Variants in GRID2 observed in about 807,000 individuals in gnomAD.
GRID2 encodes the protein glutamate ionotropic receptor delta type subunit 2, also known as glutamate receptor ionotropic, delta-2.
Under a neutral mutation model 114.8 loss-of-function variants are expected in GRID2, and 33 were observed. The observed-to-expected ratio is 0.29, with a 90% CI of 0.22 to 0.38. The LOEUF is 0.38. GRID2 is among the 10% of genes least tolerant of loss of function. The pLI is 1.00. For missense variants in GRID2, 1,184 were observed against 1,257.7 expected (o/e 0.94, Z 0.89); for synonymous variants, 505 against 449.9 (o/e 1.12, Z -1.55).
At chr4:92,737,243 G>A (rs192862085) in intron 2 of GRID2, among the ~76,000 whole-genome samples, 13 of 152,102 alleles carry the variant, frequency 8.5e-5, no homozygotes, top group Non-Finnish European at 1.9e-4. Flanking sequence ...AATGTCTTAG[G>A]TAAAAGCTAC....
chr4:92,830,969 G>T (rs1330079273), intron 2 of GRID2, among the ~76,000 whole-genome samples: 1 of 152,134 alleles, frequency 6.6e-6, no homozygotes. Flanking sequence ...GAATGGTTAA[G>T]CTGTCATTAT....
At chr4:93,307,800 G>A (rs574985587) in intron 8 of GRID2, among the ~76,000 whole-genome samples, 1 of 152,008 alleles carries the variant, frequency 6.6e-6, no homozygotes, top group South Asian at 2.1e-4. Flanking sequence ...TCCCTAAAGT[G>A]TACACAATAA....
chr4:92,751,365 G>A (rs894092707), intron 2 of GRID2, among the ~76,000 whole-genome samples: 6 of 151,858 alleles, frequency 4.0e-5, no homozygotes, highest in Non-Finnish European at 5.9e-5. Context: ...CAGCTATAAG[G>A]CAATAATCAA....
At chr4:93,682,449 A>G (rs1008923991) in intron 14 of GRID2, among the ~76,000 whole-genome samples, 1 of 151,940 alleles carries the variant, frequency 6.6e-6, no homozygotes, top group African/African-American at 2.4e-5. Flanking sequence ...CCAAAGGACT[A>G]TAAATCATGC....
intron 1 of GRID2, among the ~76,000 whole-genome samples, chr4:92,543,912 A>G (rs1412204968): frequency 6.6e-6 from 1 of 152,206 alleles, no homozygotes. Context: ...ACAGAGTTTT[A>G]CCAGTGGTGT....
chr4:93,295,585 TTCCTCCTCC>T lies in GRID2; in HGVS notation c.1245+57107_1245+57115del, dbSNP rs377733265. 7.1e-4 allele frequency among the ~76,000 whole-genome samples: 108 copies of T among 151,586 alleles called. 1 individual carries two copies. The highest frequency in any genetic ancestry group is 2.6e-3 in the Admixed American group (39 of 15,214). On this transcript the variant is annotated intron_variant, in intron 8 of 15. Coordinates refer to ENST00000282020, the MANE Select transcript of GRID2 (RefSeq NM_001510.4). ...TCCACAAGTGGAATTATATCTCCTCTTCCTCCTCCTCCTCCTCCTCTCCCCGCTCCTCCT... is the reference window on the plus strand; with the variant it reads ...TCCACAAGTGGAATTATATCTCCTCTTCCTCCTCCTCTCCCCGCTCCTCCT...
intron 2 of GRID2, among the ~76,000 whole-genome samples, chr4:92,863,306 T>G (rs769653638): frequency 2.6e-5 from 4 of 152,160 alleles, no homozygotes; most frequent in Non-Finnish European, 5.9e-5. Flanking sequence ...GTCCTCTTTG[T>G]GCTCCTCTCT....
chr4:92,545,185 A>G (rs1373165188), intron 1 of GRID2, among the ~76,000 whole-genome samples: 1 of 150,316 alleles, frequency 6.7e-6, no homozygotes, highest in Non-Finnish European at 1.5e-5. Context: ...CCTATTTTCA[A>G]TTTGCTATGT....
At chr4:92,695,286 T>A (rs1029902661) in intron 2 of GRID2, among the ~76,000 whole-genome samples, 11 of 152,106 alleles carry the variant, frequency 7.2e-5, no homozygotes, top group African/African-American at 2.4e-4. Context: ...AATTTTAAAA[T>A]TTAAAAATAA....
chr4:93,722,756 C>T (rs1729495409), intron 14 of GRID2, among the ~76,000 whole-genome samples: 1 of 152,180 alleles, frequency 6.6e-6, no homozygotes, highest in Non-Finnish European at 1.5e-5. Context: ...TCATCTCTGC[C>T]TCATATTTTA....
intron 4 of GRID2, among the ~76,000 whole-genome samples, chr4:93,126,343 A>C (rs1029573605): frequency 2.0e-5 from 3 of 152,210 alleles, no homozygotes; most frequent in South Asian, 4.1e-4. Context: ...GTTCAAAAGA[A>C]GGCATAATTG....
intron 8 of GRID2, among the ~76,000 whole-genome samples, chr4:93,316,427 G>A (rs1022118052): frequency 2.0e-5 from 3 of 151,382 alleles, no homozygotes; most frequent in Non-Finnish European, 4.4e-5. Flanking sequence ...AATGAAAGAA[G>A]AAAGAAAAAA....
intron 1 of GRID2, among the ~76,000 whole-genome samples, chr4:92,336,248 C>T (rs766406958): frequency 1.1e-4 from 17 of 152,008 alleles, no homozygotes; most frequent in Admixed American, 2.0e-4. Context: ...CCCTTTTTCA[C>T]TCAAAGCTTC....
chr4:93,076,744 A>C (rs1306517567), intron 2 of GRID2, among the ~76,000 whole-genome samples: 1 of 151,188 alleles, frequency 6.6e-6, no homozygotes, highest in Non-Finnish European at 1.5e-5. Flanking sequence ...CAACCTCCCA[A>C]GTAGCTGGGA....
intron 10 of GRID2, among the ~76,000 whole-genome samples, chr4:93,432,279 T>A (rs1769486381): frequency 6.6e-6 from 1 of 152,174 alleles, no homozygotes; most frequent in Admixed American, 6.5e-5. Flanking sequence ...GGAGCAGAGA[T>A]GAAAATGTTC....
At chr4:92,945,500 A>G (rs948020330) in intron 2 of GRID2, among the ~76,000 whole-genome samples, 1 of 152,128 alleles carries the variant, frequency 6.6e-6, no homozygotes, top group Non-Finnish European at 1.5e-5. Flanking sequence ...ATACCAAGAC[A>G]ATTAATACTG....
At chr4:93,170,075 A>T (rs1579181103) in intron 4 of GRID2, among the ~76,000 whole-genome samples, 1 of 152,258 alleles carries the variant, frequency 6.6e-6, no homozygotes, top group East Asian at 1.9e-4. Flanking sequence ...CAAACTTCAC[A>T]TCATCACATA....
chr4:92,734,782 C>CTT (rs568295644), intron 2 of GRID2, among the ~76,000 whole-genome samples: 8 of 123,572 alleles, frequency 6.5e-5, no homozygotes, highest in African/African-American at 1.5e-4. Flanking sequence ...TTTTTTTTTT[C>CTT]TTTTTTTTTT....
chr4:92,620,884 T>C (rs548534763), intron 2 of GRID2, among the ~76,000 whole-genome samples: 1 of 150,260 alleles, frequency 6.7e-6, no homozygotes, highest in Non-Finnish European at 1.5e-5. Context: ...ATGACACATG[T>C]ATACATATGT....
Sources: gnomAD v4.1 joint callset for allele counts (sites outside exome capture counted in the v4.1 genomes callset) on GRCh38, gnomAD v4.1.1 for gene constraint, MANE v1.5 for transcripts, NCBI Gene and HGNC (gene_info 2026-07-23, HGNC 2026-07-21) for gene names.